The following AKAP13 variants were observed in gnomAD, a reference collection of about 807,000 sequenced individuals.
AKAP13 encodes A-kinase anchoring protein 13.
Under a neutral mutation model 264.5 loss-of-function variants are expected in AKAP13, and 80 were observed. The ratio of observed to expected loss-of-function variants is 0.30; its 90% CI spans 0.25 to 0.36. The LOEUF (loss-of-function observed/expected upper bound fraction) is 0.36, where lower values mean the gene tolerates loss of function less well. Ranked by LOEUF, AKAP13 falls within the 10% of genes least tolerant of loss-of-function variation. The probability of loss-of-function intolerance (pLI) is 1.00; values close to 1 mark genes in which losing one functional copy is unlikely to be tolerated. For missense variants in AKAP13, 3,712 were observed against 3,435.2 expected (o/e 1.08, Z -2.01); for synonymous variants, 1,380 against 1,250.2 (o/e 1.10, Z -2.19).
intron 2 of AKAP13, among the ~76,000 whole-genome samples, chr15:85,498,339 T>C (rs1467217621): frequency 6.6e-6 from 1 of 152,010 alleles, no homozygotes; most frequent in Non-Finnish European, 1.5e-5. Context: ...GGCTTCGTCT[T>C]GCATCTTCTG....
chr15:85,640,131 G>A (rs1567169996), intron 9 of AKAP13, among the ~76,000 whole-genome samples: 1 of 152,200 alleles, frequency 6.6e-6, no homozygotes, highest in East Asian at 1.9e-4. Context: ...TGTAAAGTAT[G>A]TTCCCTAATG....
At chr15:85,656,069 A>G (rs368225627) in intron 11 of AKAP13, among the ~76,000 whole-genome samples, 64 of 152,322 alleles carry the variant, frequency 4.2e-4, no homozygotes, top group African/African-American at 1.5e-3. Context: ...ATTGTCATAT[A>G]ATGAGTGTTT....
intron 5 of AKAP13, among the ~76,000 whole-genome samples, chr15:85,558,946 T>G (rs1394897748): frequency 6.7e-6 from 1 of 150,354 alleles, no homozygotes; most frequent in Non-Finnish European, 1.5e-5. Flanking sequence ...CCCTCCCTCC[T>G]CCTCCTCCCT....
intron 8 of AKAP13, among the ~76,000 whole-genome samples, chr15:85,589,821 C>T (rs887002485): frequency 2.0e-5 from 3 of 151,278 alleles, no homozygotes; most frequent in African/African-American, 7.3e-5. Context: ...TACTTGTGCA[C>T]CAGTGGAAGA....
At chr15:85,511,212 C>G (rs1353355030) in intron 2 of AKAP13, among the ~76,000 whole-genome samples, 1 of 152,204 alleles carries the variant, frequency 6.6e-6, no homozygotes, top group Admixed American at 6.5e-5. Context: ...GATTTCTCCT[C>G]TTCTCGGACT....
chr15:85,522,388 A>T (rs2076853348), intron 3 of AKAP13, among the ~76,000 whole-genome samples: 1 of 152,168 alleles, frequency 6.6e-6, no homozygotes, highest in African/African-American at 2.4e-5. Context: ...GAAAAGGCAA[A>T]TACAAAAAGC....
At chr15:85,498,578 C>G (rs1194560695) in intron 2 of AKAP13, among the ~76,000 whole-genome samples, 1 of 35,048 alleles carries the variant, frequency 2.9e-5, no homozygotes, top group Non-Finnish European at 6.4e-5. Context: ...ATCAGCTCCC[C>G]AGGTTGATAC....
At chr15:85,448,152 T>C (rs1263390658) in intron 1 of AKAP13, among the ~76,000 whole-genome samples, 2 of 152,224 alleles carry the variant, frequency 1.3e-5, no homozygotes, top group African/African-American at 4.8e-5. Flanking sequence ...CATATGCTTG[T>C]TGGCTACATG....
intron 5 of AKAP13, chr15:85,555,596 TC>T: frequency 1.4e-6 from 1 of 693,392 alleles, no homozygotes. Context: ...TCATTGAACT[TC>T]CCTGAAGGAC....
chr15:85,732,566 T>C (rs1185042424), intron 30 of AKAP13, among the ~76,000 whole-genome samples: 1 of 150,698 alleles, frequency 6.6e-6, no homozygotes, highest in Non-Finnish European at 1.5e-5. Context: ...ATTGATATTC[T>C]TAAACTGTGG....
At chr15:85,726,364 AAGT>A (rs1169867884) in intron 26 of AKAP13, 43 bp from the exon 27 acceptor site, 94 of 1,511,022 alleles carry the variant, frequency 6.2e-5, no homozygotes, top group Non-Finnish European at 8.0e-5. Context: ...GGTAACTATT[AAGT>A]AGTCATCGTT....
At chr15:85,551,721 CAA>C (rs1488238662) in intron 5 of AKAP13, among the ~76,000 whole-genome samples, 1 of 152,160 alleles carries the variant, frequency 6.6e-6, no homozygotes, top group African/African-American at 2.4e-5. Flanking sequence ...TCTGTGGTAA[CAA>C]ATTATCTATG....
rs117881922 is a variant in AKAP13 at position 85,411,122 on chromosome 15, C to G, written c.-12+30324C>G. 7.9e-3 allele frequency among the ~76,000 whole-genome samples: 1,209 copies of G among 152,266 alleles called. 6 individuals are homozygous for G. Among genetic ancestry groups the G allele is most frequent in the Middle Eastern group, 0.014 (4 of 294 alleles). On this transcript the variant is annotated intron_variant, in intron 1 of 36. Transcript: ENST00000394518. ...CTTTTTATAGTGTGCAGACATTTGA[C>G]CTGATAGTGCATAGTGCAAAAGCAA... is the stretch of plus-strand genomic sequence containing the variant.
In AKAP13 at chr15:85,664,547, T is replaced by G. The variant is rs893443283; in HGVS notation, c.4800-16T>G. On this transcript the variant is annotated splice_polypyrimidine_tract_variant and intron_variant, in intron 12 of 36. Transcript: ENST00000394518. ...CCCAGAAATAGAATGAATTAACTTT[T>G]GTGCCCTATGTTCAGTTTCAGTCTA... 3 of 1,586,164 alleles carry G rather than the reference T, an allele frequency of 1.9e-6. No homozygotes were observed. In the African/African-American group the frequency reaches 4.1e-5, roughly 21 times the overall value.
Position 85,395,627 on chromosome 15 carries a change from C to G in AKAP13, c.-12+14829C>G, listed in dbSNP as rs551943347. ...TGAAAAGGGAGACTTTTCGATAGGA[C>G]AGATTGTATGTATAAGACAAGATAG... On this transcript the variant is annotated intron_variant, in intron 1 of 36. Transcript: ENST00000394518. 1.1e-4 allele frequency among the ~76,000 whole-genome samples: 16 copies of G among 152,234 alleles called. No individual in the cohort carries two copies. The South Asian group carries it at 1.5e-3, about 14-fold the overall frequency.
At chr15:85,468,237 C>G (rs6497189) in intron 1 of AKAP13, among the ~76,000 whole-genome samples, 102,060 of 151,950 alleles carry the variant, frequency 0.67, 35,989 homozygotes, top group Non-Finnish European at 0.79. Context: ...TGCATTACAT[C>G]TTTGAAATAG....
chr15:85,645,774 TG>T (rs749103727), intron 9 of AKAP13, 43 bp from the exon 10 acceptor site: 37 of 1,427,852 alleles, frequency 2.6e-5, no homozygotes, highest in Admixed American at 5.1e-5. Flanking sequence ...TTGGTTTTTT[TG>T]TTTTTTTTTT....
intron 5 of AKAP13, among the ~76,000 whole-genome samples, chr15:85,562,575 ATATATATATAT>A (rs1400958695): frequency 3.9e-5 from 4 of 101,588 alleles, no homozygotes; most frequent in East Asian, 3.0e-4. Context: ...AAAAAAAAAA[ATATATATATAT>A]ATATATATAT....
intron 15 of AKAP13, among the ~76,000 whole-genome samples, chr15:85,682,453 G>A (rs563286554): frequency 2.0e-5 from 3 of 152,124 alleles, no homozygotes; most frequent in Non-Finnish European, 4.4e-5. Flanking sequence ...TTATTGATGT[G>A]AGGGTACACT....
Sources: allele counts gnomAD v4.1 joint callset (sites outside exome capture counted in the v4.1 genomes callset), GRCh38; gene constraint gnomAD v4.1.1; transcripts MANE v1.5; gene names NCBI Gene and HGNC (gene_info 2026-07-23, HGNC 2026-07-21).